FCRL6: variants seen among roughly 807,000 people sequenced by gnomAD.
FCRL6 encodes the protein Fc receptor-like protein 6.
In FCRL6, 50 loss-of-function variants were observed where a neutral mutation model predicts 49.1. That is an observed-to-expected ratio of 1.02 (90% CI 0.81 to 1.29). FCRL6 has a LOEUF of 1.29. Ranked by LOEUF, FCRL6 falls within the 50% of genes most tolerant of loss-of-function variation. The pLI, the probability that FCRL6 is intolerant of heterozygous loss-of-function variation, is 0.00. For missense variants in FCRL6, 571 were observed against 518.5 expected, an observed-to-expected ratio of 1.10 and a Z score of -0.98; for synonymous variants, 213 against 199.6, an observed-to-expected ratio of 1.07 and a Z score of -0.57.
intron 2 of FCRL6, among the ~76,000 whole-genome samples, chr1:159,807,420 G>GATACAGGCTGGGGACAC (rs1662764955): frequency 6.6e-6 from 1 of 152,240 alleles, no homozygotes; most frequent in Non-Finnish European, 1.5e-5. Flanking sequence ...GCTGGGGACA[G>GATACAGGCTGGGGACAC]ATACAGACTG....
chr1:159,807,248 G>T (rs6681603), intron 2 of FCRL6, among the ~76,000 whole-genome samples: 6,729 of 152,268 alleles, frequency 0.044, 490 homozygotes, highest in African/African-American at 0.15. Context: ...GAGGAGAGTG[G>T]GTCCTAAGGA....
At chr1:159,810,060 G>A (rs1662999909) in intron 5 of FCRL6, 34 bp from the exon 6 acceptor site, 1 of 1,598,478 alleles carries the variant, frequency 6.3e-7, no homozygotes, top group African/African-American at 1.3e-5. Context: ...TTTATCTTCA[G>A]TGCTCATGGC....
Position 159,810,230 on chromosome 1 carries a change from CT to C in FCRL6, c.1009+16del, listed in dbSNP as rs766543539. 3.7e-6 allele frequency: 6 copies of C among 1,607,822 alleles called. No homozygotes were observed. The African/African-American group carries it at 6.7e-5, about 18-fold the overall frequency. On this transcript the variant is annotated intron_variant, in intron 6 of 9. Transcript: ENST00000368106. ...GGAGAAAAGCTGGTCAGTAACTCCT[CT>C]TGGCTTTCTTAGCTGCTGAATCCCT...
chr1:159,804,257 A>G (rs536675681), intron 1 of FCRL6, among the ~76,000 whole-genome samples: 1 of 152,302 alleles, frequency 6.6e-6, no homozygotes, highest in Admixed American at 6.5e-5. Flanking sequence ...TTGAGCCGAA[A>G]TCTGCCTCCA....
chr1:159,809,318 G>A (rs773393733), intron 4 of FCRL6, 73 bp downstream of exon 4: 1 of 1,527,654 alleles, frequency 6.5e-7, no homozygotes, highest in Non-Finnish European at 8.8e-7. Context: ...GGGACTAAAG[G>A]AGTTGGGGGA....
At chr1:159,813,338 A>G in intron 6 of FCRL6, 151 bp from the exon 7 acceptor site, 1 of 627,072 alleles carries the variant, frequency 1.6e-6, no homozygotes, top group African/African-American at 1.8e-5. Flanking sequence ...ATAAAAATCA[A>G]CCATGTCCAG....
chr1:159,814,602 A>G (rs955163088), intron 8 of FCRL6, among the ~76,000 whole-genome samples: 16 of 152,198 alleles, frequency 1.1e-4, no homozygotes, highest in African/African-American at 3.6e-4. Context: ...CACTGTTACC[A>G]TGATAAGTGC....
chr1:159,802,573 A>G, intron 1 of FCRL6, 118 bp downstream of exon 1: 1 of 912,180 alleles, frequency 1.1e-6, no homozygotes, highest in Non-Finnish European at 1.7e-6. Context: ...GCTGGAGCTC[A>G]AGACAGGTGT....
Position 159,809,296 on chromosome 1 carries a change from G to A in FCRL6, c.604+51G>A. ...CCCCCAGGGCCCTGGGCGTCAGGCA[G>A]TGGGATCCCCTGGGACTAAAGGAGT... On this transcript the variant is annotated intron_variant, in intron 4 of 9. Coordinates refer to ENST00000368106, the MANE Select transcript of FCRL6 (RefSeq NM_001004310.3). 2.0e-6 allele frequency: 3 copies of A among 1,526,038 alleles called. No individual in the cohort carries two copies. In the South Asian group the frequency reaches 3.9e-5, roughly 20 times the overall value. 94.5% of individuals were successfully genotyped at this position (1,526,038 alleles called of 1,614,324 possible). A position where few individuals can be genotyped will look rare whatever the true frequency, so the allele number is the denominator to read the frequency against.
At chr1:159,812,747 T>G (rs1008826627) in intron 6 of FCRL6, among the ~76,000 whole-genome samples, 1 of 152,248 alleles carries the variant, frequency 6.6e-6, no homozygotes, top group Non-Finnish European at 1.5e-5. Context: ...GTGATTCTGA[T>G]GCTTTCTAGC....
chr1:159,806,995 C>T (rs1383274289), intron 2 of FCRL6, among the ~76,000 whole-genome samples: 2 of 152,188 alleles, frequency 1.3e-5, no homozygotes, highest in Non-Finnish European at 2.9e-5. Context: ...CCTTTTTCTG[C>T]TGATCAGTCT....
At chr1:159,805,363 ATT>A (rs10616063) in intron 1 of FCRL6, among the ~76,000 whole-genome samples, 6,702 of 149,388 alleles carry the variant, frequency 0.045, 486 homozygotes, top group African/African-American at 0.15. Context: ...CCATTCTTGC[ATT>A]TTTTTTTTGG....
chr1:159,805,997 A>C (rs142434280), intron 1 of FCRL6, among the ~76,000 whole-genome samples: 2 of 152,194 alleles, frequency 1.3e-5, no homozygotes, highest in African/African-American at 4.8e-5. Context: ...ACATTCATGC[A>C]TTTATTCAGC....
At position 159,809,116 on chromosome 1, in the gene FCRL6, A is replaced by G. The variant is rs1428331250; in HGVS notation, c.475A>G (p.Arg159Gly). 6.2e-7 allele frequency: 1 copy of G among 1,614,120 alleles called. No individual in the cohort carries two copies. The highest frequency in any genetic ancestry group is 1.3e-5 in the African/African-American group (1 of 75,054). Residue 159 changes from arginine to glycine, a missense_variant, in exon 4 of 10, where the codon AGG becomes GGG. By Grantham distance (125) the Arg-to-Gly change is moderately radical. Coordinates refer to ENST00000368106, the MANE Select transcript of FCRL6 (RefSeq NM_001004310.3). ...CAAGGACGGCCACACCTTGCAGGAC[A>G]GGGGCCCTCACCCAGAACTCTGCAT... ...FHKDGHTLQDRGPHPELCIPG... is the reference protein window; with the variant it reads ...FHKDGHTLQDGGPHPELCIPG...
intron 1 of FCRL6, 69 bp downstream of exon 1, chr1:159,802,524 G>A: frequency 1.4e-6 from 2 of 1,401,506 alleles, no homozygotes; most frequent in East Asian, 2.3e-5. Flanking sequence ...GAGACACCAA[G>A]TTCCTCATCT....
At chr1:159,814,533 G>A (rs112211467) in intron 8 of FCRL6, among the ~76,000 whole-genome samples, 3 of 151,768 alleles carry the variant, frequency 2.0e-5, no homozygotes, top group African/African-American at 2.4e-5. Context: ...CCACTACCAC[G>A]CTCACCACAA....
chr1:159,808,516 C>G (rs1302960408), intron 3 of FCRL6, 72 bp downstream of exon 3: 1 of 1,571,988 alleles, frequency 6.4e-7, no homozygotes, highest in Non-Finnish European at 8.7e-7. Context: ...AGGTCAGTAG[C>G]TCTCTGGGCT....
chr1:159,809,581 C>G lies in FCRL6; in HGVS notation c.784C>G (p.Leu262Val), dbSNP rs149576319. ...SAPCGGTTSL[L>V]FPVKSEQDAG... ...TCCCTGTGGTGGAACCACCTCCCTC[C>G]TCTTCCCAGTGAAGTCAGAACAGGA... is the stretch of plus-strand genomic sequence containing the variant. Residue 262 changes from leucine to valine, a missense_variant, in exon 5 of 10, where the codon CTC (leucine) becomes GTC (valine). Transcript: ENST00000368106. 1.2e-6 allele frequency: 2 copies of G among 1,614,182 alleles called. No homozygotes were observed. Among genetic ancestry groups the G allele is most frequent in the Middle Eastern group, 1.6e-4 (1 of 6,062 alleles).
chr1:159,801,719 T>C (rs1346923189), upstream of FCRL6, among the ~76,000 whole-genome samples: 1 of 152,210 alleles, frequency 6.6e-6, no homozygotes, highest in East Asian at 1.9e-4. Flanking sequence ...CTACATGTAT[T>C]TAAACTATCT....
Sources: gnomAD v4.1 joint callset for allele counts (sites outside exome capture counted in the v4.1 genomes callset) on GRCh38, gnomAD v4.1.1 for gene constraint, MANE v1.5 for transcripts, NCBI Gene and HGNC (gene_info 2026-07-23, HGNC 2026-07-21) for gene names.